ABR: variants seen among roughly 807,000 people sequenced by gnomAD.
The protein encoded by ABR is ABR activator of RhoGEF and GTPase, also known as active breakpoint cluster region-related protein.
A neutral mutation model predicts 107.2 loss-of-function variants in ABR; 35 were observed. The observed-to-expected ratio is 0.33, with a 90% CI of 0.25 to 0.43. The LOEUF (loss-of-function observed/expected upper bound fraction) is 0.43. Among genes scored for constraint, ABR ranks in the 20% least tolerant of loss-of-function variants. ABR has a pLI of 1.00. For synonymous variants in ABR, 498 were observed against 462.0 expected (o/e 1.08, Z -1.00); for missense variants, 815 against 1,115.2 (o/e 0.73, Z 3.83).
chr17:1,025,835 C>T (rs957956024), intron 16 of ABR, among the ~76,000 whole-genome samples: 2 of 152,170 alleles, frequency 1.3e-5, no homozygotes, highest in South Asian at 2.1e-4. Flanking sequence ...CTGTCTCGGG[C>T]GCCTCTGTGT....
chr17:1,161,701 T>C (rs1239304768), intron 1 of ABR, among the ~76,000 whole-genome samples: 2 of 152,060 alleles, frequency 1.3e-5, no homozygotes, highest in Non-Finnish European at 2.9e-5. Flanking sequence ...ATTACAGGCG[T>C]GTACCACCAC....
Position 1,219,901 on chromosome 17 carries a change from G to A in ABR, c.838+8892C>T, listed in dbSNP as rs563479135. Among the ~76,000 whole-genome samples, 394 of 151,946 alleles carry A rather than the reference G, an allele frequency of 2.6e-3. 2 individuals carry two copies. The highest frequency in any genetic ancestry group is 8.8e-3 in the African/African-American group (363 of 41,466). ...TAGGAGGCTGTTCTAAAAATTCAAC[G>A]TGACAGCGTAGGTAAAGCACTTGAC... On this transcript the variant is annotated intron_variant, in intron 1 of 22. Coordinates refer to the ABR transcript ENST00000574139.
chr17:1,064,562 G>A (rs2034472390), intron 10 of ABR, among the ~76,000 whole-genome samples: 1 of 112,456 alleles, frequency 8.9e-6, no homozygotes, highest in African/African-American at 3.4e-5. Flanking sequence ...TGAGGGCTAT[G>A]CATGTTCCTC....
rs1310107752 is a variant in ABR, at chr17:1,078,748, G to C, written c.700+582C>G. 12 of 1,497,460 alleles carry C rather than the reference G, an allele frequency of 8.0e-6. No individual in the cohort carries two copies. The highest frequency in any genetic ancestry group is 1.1e-5 in the Non-Finnish European group (12 of 1,113,868). 92.8% of individuals were successfully genotyped at this position (1,497,460 alleles called of 1,614,324 possible). ...CTCTAACCTCCCCGGCCACATCTAA[G>C]CCCACTCCAGCCGGCCCCCAGAGGT... On this transcript the variant is annotated intron_variant, in intron 6 of 22. Transcript: ENST00000302538. This position sits in a 1 kb window ranked among gnomAD's most constrained non-coding sequence, Gnocchi z 7.5.
intron 3 of ABR, among the ~76,000 whole-genome samples, chr17:1,099,232 G>C (rs1035417781): frequency 6.6e-6 from 1 of 151,156 alleles, no homozygotes; most frequent in Non-Finnish European, 1.5e-5. Context: ...GCACCACCAC[G>C]CCTGGCTTTT....
Position 1,069,972 on chromosome 17 carries a change from G to C in ABR, c.1013C>G (p.Ala338Gly). The C allele has an allele frequency of 6.3e-7, 1 of 1,582,758 alleles. No homozygotes were observed. Among genetic ancestry groups the C allele is most frequent in the South Asian group, 1.1e-5 (1 of 90,566 alleles). Residue 338 changes from alanine (A) to glycine (G), a missense_variant, in exon 9 of 23, where the codon GCA becomes GGA. Ala to Gly is a moderately conservative substitution (Grantham distance 60). Transcript: ENST00000302538. ...LLCAKLKKTS[A>G]GKHQQYDCKW... Reference sequence around the variant, plus strand: ...GCCCCTGGACTCACACACTCACCCTGCAGAGGTCTTCTTCAGCTTGGCACA... The same window carrying C: ...GCCCCTGGACTCACACACTCACCCTCCAGAGGTCTTCTTCAGCTTGGCACA...
At chr17:1,182,156 A>C (rs1450232402), upstream of ABR, 1 of 152,134 alleles carries the variant, frequency 6.6e-6, no homozygotes, top group East Asian at 1.9e-4. Flanking sequence ...TACAGAGGAA[A>C]CTTCTGATAA....
chr17:1,047,479 C>G (rs1015125964), intron 16 of ABR, among the ~76,000 whole-genome samples: 1 of 152,198 alleles, frequency 6.6e-6, no homozygotes, highest in African/African-American at 2.4e-5. Flanking sequence ...ATGCCTCCCC[C>G]ACCAAAGGCA....
intron 16 of ABR, among the ~76,000 whole-genome samples, chr17:1,023,757 G>A (rs762846679): frequency 5.3e-5 from 8 of 152,170 alleles, no homozygotes; most frequent in South Asian, 4.1e-4. Context: ...GGGCGCGGTG[G>A]TTCACACCTG....
intron 2 of ABR, among the ~76,000 whole-genome samples, chr17:1,120,800 G>A (rs1436911962): frequency 6.6e-6 from 1 of 152,208 alleles, no homozygotes; most frequent in Non-Finnish European, 1.5e-5. Context: ...CTGGTGGGGA[G>A]TCATGAGTGA....
chr17:1,222,220 C>G (rs1310098515), intron 1 of ABR, among the ~76,000 whole-genome samples: 1 of 152,020 alleles, frequency 6.6e-6, no homozygotes, highest in Non-Finnish European at 1.5e-5. Context: ...ATGTGCCACT[C>G]TGCCCGGATA....
intron 2 of ABR, among the ~76,000 whole-genome samples, chr17:1,104,136 C>T (rs1333332027): frequency 1.3e-5 from 2 of 152,190 alleles, no homozygotes; most frequent in Non-Finnish European, 2.9e-5. Flanking sequence ...TACCTGTCTC[C>T]AGCACCGGGA....
At chr17:1,206,526 G>C (rs2042790713) in intron 1 of ABR, among the ~76,000 whole-genome samples, 1 of 152,186 alleles carries the variant, frequency 6.6e-6, no homozygotes, top group Non-Finnish European at 1.5e-5. Context: ...TGAGTAGCCA[G>C]GATGACAGGC....
At chr17:1,082,333 T>G in intron 5 of ABR, among the ~76,000 whole-genome samples, 1 of 152,148 alleles carries the variant, frequency 6.6e-6, no homozygotes, top group Non-Finnish European at 1.5e-5. Flanking sequence ...ATGCCACCTC[T>G]TAGGTAGAAA....
intron 16 of ABR, among the ~76,000 whole-genome samples, chr17:1,017,359 C>A (rs1260297793): frequency 1.3e-5 from 2 of 152,040 alleles, no homozygotes; most frequent in Non-Finnish European, 2.9e-5. Context: ...GGGTCTGTCC[C>A]CAGCTCTGTC....
chr17:1,018,074 G>C (rs953551892), intron 16 of ABR, among the ~76,000 whole-genome samples: 6 of 150,212 alleles, frequency 4.0e-5, no homozygotes, highest in East Asian at 1.9e-4. Context: ...ACGGAGTCTT[G>C]CTCTGTCGCC....
Position 1,013,102 on chromosome 17 carries a change from C to G in ABR, c.1851+3G>C. 6.2e-7 allele frequency: 1 copy of G among 1,614,070 alleles called. No individual in the cohort carries two copies. Among genetic ancestry groups the G allele is most frequent in the Non-Finnish European group, 8.5e-7 (1 of 1,179,976 alleles). On this transcript the variant is annotated splice_donor_region_variant and intron_variant, in intron 17 of 22. Coordinates refer to ENST00000302538, the MANE Select transcript of ABR (RefSeq NM_021962.5). ...CCACTGATCATTCCCATCCCCGGCTCACCCCGTTCATCTCAATCACGTCCG... is the reference window on the plus strand; with the variant it reads ...CCACTGATCATTCCCATCCCCGGCTGACCCCGTTCATCTCAATCACGTCCG...
At chr17:1,227,743 G>A (rs1458240317) in intron 1 of ABR, among the ~76,000 whole-genome samples, 1 of 152,110 alleles carries the variant, frequency 6.6e-6, no homozygotes, top group Non-Finnish European at 1.5e-5. Context: ...CGTGGCTGAG[G>A]AGACCGTGAC....
chr17:1,107,826 A>G (rs996221040), intron 2 of ABR, among the ~76,000 whole-genome samples: 3 of 151,974 alleles, frequency 2.0e-5, no homozygotes, highest in African/African-American at 7.3e-5. Context: ...TCCACTCCCC[A>G]CCCAGGCCTG....
Sources: allele counts gnomAD v4.1 joint callset (sites outside exome capture counted in the v4.1 genomes callset), GRCh38; gene constraint gnomAD v4.1.1; non-coding constraint Gnocchi (gnomAD v3.1); transcripts MANE v1.5; gene names NCBI Gene and HGNC (gene_info 2026-07-23, HGNC 2026-07-21).